Variants in TSPAN9 observed in about 807,000 individuals in gnomAD.
The protein encoded by TSPAN9 is tetraspanin-9.
TSPAN9 carries 16 observed loss-of-function variants against 31.0 expected under a neutral mutation model. That is an observed-to-expected ratio of 0.52 (90% confidence interval 0.35 to 0.78). The LOEUF (loss-of-function observed/expected upper bound fraction) is 0.78, where lower values mean the gene tolerates loss of function less well. Ranked by LOEUF, TSPAN9 falls within the 30% of genes least tolerant of loss-of-function variation. TSPAN9 has a pLI of 0.01. For synonymous variants in TSPAN9, 145 were observed against 121.6 expected, an observed-to-expected ratio of 1.19 and a Z score of -1.27; for missense variants, 272 against 312.5, an observed-to-expected ratio of 0.87 and a Z score of 0.98.
intron 2 of TSPAN9, among the ~76,000 whole-genome samples, chr12:3,124,463 C>G (rs946216284): frequency 7.3e-5 from 11 of 149,856 alleles, no homozygotes; most frequent in Non-Finnish European, 1.6e-4. Context: ...GAGTTTTGCT[C>G]TTGTTGCCCA....
At chr12:3,182,076 C>G (rs1339303877) in intron 2 of TSPAN9, among the ~76,000 whole-genome samples, 1 of 152,050 alleles carries the variant, frequency 6.6e-6, no homozygotes, top group Non-Finnish European at 1.5e-5. Flanking sequence ...GAATTTTTGG[C>G]AAGTTGGGGC....
Position 3,280,300 on chromosome 12 carries a change from CATCCTGGGTG to C in TSPAN9, c.331-80_331-71del. 7.9e-7 allele frequency: 1 copy of C among 1,268,922 alleles called. No homozygotes were observed. The highest frequency in any genetic ancestry group is 1.1e-6 in the Non-Finnish European group (1 of 882,102). The allele number at this position is 1,268,922 out of a possible 1,614,324, so 78.6% of individuals were successfully genotyped here. On this transcript the variant is annotated intron_variant, in intron 5 of 8. Transcript: ENST00000011898. This position sits in a 1 kb window ranked among gnomAD's most constrained non-coding sequence, Gnocchi z 4.5. ...TCCTCACTCCTCATCTGTCACCCAC[CATCCTGGGTG>C]ACCTGAGGTGGGCTGGAGAGACGAG...
chr12:3,121,662 G>A (rs1937530325), intron 2 of TSPAN9, among the ~76,000 whole-genome samples: 1 of 148,216 alleles, frequency 6.7e-6, no homozygotes, highest in Non-Finnish European at 1.5e-5. Flanking sequence ...ATAGATATGA[G>A]CCACTGCACC....
chr12:3,226,742 GTGTATATATATATATATATATATATA>G (rs1190799694), intron 3 of TSPAN9, among the ~76,000 whole-genome samples: 82 of 3,298 alleles, frequency 0.025, 6 homozygotes, highest in East Asian at 0.058. Flanking sequence ...GTGTGTGTGT[GTGTATATATATATATATATATATATA>G]TATATATATA....
chr12:3,101,996 C>G (rs919945929), intron 2 of TSPAN9, among the ~76,000 whole-genome samples: 1 of 152,172 alleles, frequency 6.6e-6, no homozygotes, highest in African/African-American at 2.4e-5. Flanking sequence ...ACTGGAAGCT[C>G]CTGAGGAGGT....
At chr12:3,265,270 T>C (rs968897036) in intron 3 of TSPAN9, among the ~76,000 whole-genome samples, 9 of 152,302 alleles carry the variant, frequency 5.9e-5, no homozygotes, top group African/African-American at 2.2e-4. Flanking sequence ...TCAACATTCT[T>C]GCTCACTACA....
chr12:3,182,082 G>A lies in TSPAN9; in HGVS notation c.-17-19095G>A, dbSNP rs187850210. ...GGTAGACAGGAATTTTTGGCAAGTT[G>A]GGGCTGGTGGAGAAGGCTGTAGCCC... is the stretch of plus-strand genomic sequence containing the variant. On this transcript the variant is annotated intron_variant, in intron 2 of 8. Transcript: ENST00000011898. 3.4e-3 allele frequency among the ~76,000 whole-genome samples: 524 copies of A among 152,202 alleles called. 1 individual carries two copies. The highest frequency in any genetic ancestry group is 0.012 in the African/African-American group (492 of 41,532).
chr12:3,166,568 G>C (rs974362879), intron 2 of TSPAN9, among the ~76,000 whole-genome samples: 1 of 152,198 alleles, frequency 6.6e-6, no homozygotes, highest in Non-Finnish European at 1.5e-5. Flanking sequence ...GACAGAAATG[G>C]AAAATGTTCT....
intron 3 of TSPAN9, among the ~76,000 whole-genome samples, chr12:3,271,675 A>G (rs73256347): frequency 0.015 from 2,231 of 152,230 alleles, 59 homozygotes; most frequent in African/African-American, 0.051. Flanking sequence ...GGGTGACTTC[A>G]GCAAAGATGT....
Position 3,282,751 on chromosome 12 carries a change from C to T in TSPAN9, c.649-294C>T, listed in dbSNP as rs1317949783. ...CCCACGTAGAGCCAGGTCCTCCGTG[C>T]ATTCCGTGCCTGCAGCGCCCCTCTG... On this transcript the variant is annotated intron_variant, in intron 8 of 8. Transcript: ENST00000011898. Among the ~76,000 whole-genome samples the T allele has an allele frequency of 3.9e-5, 6 of 152,238 alleles. No individual in the cohort carries two copies. In the South Asian group the frequency reaches 6.2e-4, roughly 16 times the overall value.
At chr12:3,099,051 C>T (rs562066876) in intron 2 of TSPAN9, among the ~76,000 whole-genome samples, 4 of 152,090 alleles carry the variant, frequency 2.6e-5, no homozygotes, top group Non-Finnish European at 5.9e-5. Context: ...TGGTGCCTGG[C>T]CTATTTTATC....
chr12:3,204,997 TA>T (rs1473325220), intron 3 of TSPAN9, among the ~76,000 whole-genome samples: 14 of 151,844 alleles, frequency 9.2e-5, no homozygotes, highest in African/African-American at 2.7e-4. Flanking sequence ...GAAGAGCGTA[TA>T]GGGGTGGGCT....
intron 2 of TSPAN9, among the ~76,000 whole-genome samples, chr12:3,166,054 A>G (rs541639682): frequency 6.2e-4 from 94 of 152,298 alleles, no homozygotes; most frequent in Non-Finnish European, 1.1e-3. Flanking sequence ...GTTACTCTCT[A>G]AACGCTCTCA....
intron 2 of TSPAN9, among the ~76,000 whole-genome samples, chr12:3,136,420 A>G (rs978775744): frequency 1.3e-5 from 2 of 152,096 alleles, no homozygotes; most frequent in Non-Finnish European, 2.9e-5. Context: ...GCCTTGTCTC[A>G]TTGATCTCCC....
At chr12:3,229,733 G>A (rs2098389688) in intron 3 of TSPAN9, among the ~76,000 whole-genome samples, 1 of 152,250 alleles carries the variant, frequency 6.6e-6, no homozygotes, top group Admixed American at 6.5e-5. Flanking sequence ...AAGGCCTGCA[G>A]CGGTTCATCG....
intron 2 of TSPAN9, among the ~76,000 whole-genome samples, chr12:3,096,779 G>A (rs890270185): frequency 4.0e-5 from 6 of 151,366 alleles, no homozygotes; most frequent in Non-Finnish European, 8.8e-5. Context: ...TGCAAGCTCC[G>A]CCTCCCGGGT....
At chr12:3,212,070 C>A (rs1460464875) in intron 3 of TSPAN9, among the ~76,000 whole-genome samples, 12 of 152,238 alleles carry the variant, frequency 7.9e-5, no homozygotes, top group Non-Finnish European at 1.5e-4. Context: ...CTCCCAGGTT[C>A]AAGCAATTCT....
chr12:3,109,477 A>G (rs1005282716), intron 2 of TSPAN9, among the ~76,000 whole-genome samples: 3 of 151,688 alleles, frequency 2.0e-5, no homozygotes, highest in Non-Finnish European at 4.4e-5. Flanking sequence ...GTGTAGGGTG[A>G]CCTAGTTGGC....
In TSPAN9 at chr12:3,192,273, G is replaced by A. The variant is rs1006667382; in HGVS notation, c.-17-8904G>A. ...GGAAGCCACTGATGAGGTTACAGTG[G>A]AGAGGCACATGAGTGGGAAGATTGC... On this transcript the variant is annotated intron_variant, in intron 2 of 8. Transcript: ENST00000011898. The surrounding 1 kb of genome is among the most constrained non-coding windows in gnomAD (Gnocchi z 4.6). Among the ~76,000 whole-genome samples, 4 of 152,210 alleles carry A rather than the reference G, an allele frequency of 2.6e-5. No individual in the cohort carries two copies. Among genetic ancestry groups the A allele is most frequent in the Non-Finnish European group, 5.9e-5 (4 of 68,042 alleles).
Sources: gnomAD v4.1 joint callset for allele counts (sites outside exome capture counted in the v4.1 genomes callset) on GRCh38, gnomAD v4.1.1 for gene constraint, Gnocchi (gnomAD v3.1) non-coding constraint, MANE v1.5 for transcripts, NCBI Gene and HGNC (gene_info 2026-07-23, HGNC 2026-07-21) for gene names.